MAP1B: variants seen among roughly 807,000 people sequenced by gnomAD.
The protein encoded by MAP1B is microtubule associated protein 1B.
In MAP1B, 12 loss-of-function variants were observed where a neutral mutation model predicts 176.1. The ratio of observed to expected loss-of-function variants is 0.07; its 90% CI spans 0.04 to 0.11. The LOEUF (loss-of-function observed/expected upper bound fraction) is 0.11, where lower values mean the gene tolerates loss of function less well. Ranked by LOEUF, MAP1B falls within the 10% of genes least tolerant of loss-of-function variation. MAP1B has a pLI of 1.00. For synonymous variants in MAP1B, 1,044 were observed against 1,135.0 expected (o/e 0.92, Z 1.61); for missense variants, 2,523 against 2,990.5 (o/e 0.84, Z 3.65).
chr5:72,182,703 C>T (rs1053551907), intron 2 of MAP1B, among the ~76,000 whole-genome samples: 2 of 152,212 alleles, frequency 1.3e-5, no homozygotes, highest in South Asian at 4.1e-4. Context: ...CCTCTGGTGT[C>T]TGCCTCTCTC....
chr5:72,198,513 C>G lies in MAP1B; in HGVS notation c.5158C>G (p.Leu1720Val), dbSNP rs761432973. 1 of 1,613,924 alleles carries G rather than the reference C, an allele frequency of 6.2e-7. No individual in the cohort carries two copies. Among genetic ancestry groups the G allele is most frequent in the Non-Finnish European group, 8.5e-7 (1 of 1,179,980 alleles). The change falls in exon 5 of 7, where the codon CTC (leucine) becomes GTC (valine). Residue 1720 changes from leucine to valine, a missense_variant. This residue lies in a region of MAP1B where 1,925 missense variants were observed against 2,126.0 expected (regional missense o/e 0.91). Transcript: ENST00000296755. Reference protein sequence around the residue: ...SYTQDNDLSELISVSQVEASP... With the variant: ...SYTQDNDLSEVISVSQVEASP... The stretch of plus-strand genomic sequence containing the variant: ...CACCCAAGATAATGATCTTTCTGAG[C>G]TCATCTCAGTATCTCAGGTAGAGGC...
In MAP1B at chr5:72,198,872, T is replaced by C. The variant is rs142515863; in HGVS notation, c.5517T>C (p.Asp1839=). ...PYGFRASVLF[D]TMQHHLALNR... ...GCTTCCGTGCCTCAGTGTTATTCGA[T>C]ACAATGCAACACCATCTAGCCTTGA... The change falls in exon 5 of 7, where the codon GAT becomes GAC. Residue 1839 remains aspartate (D), a synonymous_variant. Transcript: ENST00000296755. 6.2e-7 allele frequency: 1 copy of C among 1,614,204 alleles called. No individual in the cohort carries two copies. Among genetic ancestry groups the C allele is most frequent in the Non-Finnish European group, 8.5e-7 (1 of 1,180,036 alleles).
At chr5:72,153,114 C>T (rs1462380197) in intron 2 of MAP1B, among the ~76,000 whole-genome samples, 1 of 152,218 alleles carries the variant, frequency 6.6e-6, no homozygotes, top group Non-Finnish European at 1.5e-5. Context: ...CAAGTATTTG[C>T]CGAGCCACCT....
intron 2 of MAP1B, among the ~76,000 whole-genome samples, chr5:72,164,472 C>T (rs1288179916): frequency 1.3e-5 from 2 of 152,148 alleles, no homozygotes; most frequent in African/African-American, 4.8e-5. Context: ...TGGCTATTCT[C>T]TGGGTCTCTT....
intron 2 of MAP1B, among the ~76,000 whole-genome samples, chr5:72,130,139 G>T (rs1409696707): frequency 1.5e-4 from 23 of 148,694 alleles, no homozygotes; most frequent in Admixed American, 1.5e-3. Flanking sequence ...TAATTAAAAA[G>T]AAATTTTAAA....
At chr5:72,159,728 T>G (rs1203752810) in intron 2 of MAP1B, among the ~76,000 whole-genome samples, 1 of 152,236 alleles carries the variant, frequency 6.6e-6, no homozygotes, top group Non-Finnish European at 1.5e-5. Flanking sequence ...AAGAAACATT[T>G]GTGAAAATTC....
In MAP1B at chr5:72,199,809, G is replaced by A; in HGVS notation, c.6454G>A (p.Glu2152Lys). 1.2e-6 allele frequency: 2 copies of A among 1,614,128 alleles called. No homozygotes were observed. The highest frequency in any genetic ancestry group is 2.2e-5 in the South Asian group (2 of 91,060). ...CDETPPTSVS[E>K]SAPSQTDSDV... ...TGAAACCCCTCCCACCTCAGTCAGC[G>A]AGTCAGCCCCATCCCAGACCGACTC... The change falls in exon 5 of 7, where the codon GAG becomes AAG. Residue 2152 changes from glutamate to lysine, a missense_variant. Physicochemically the swap from Glu to Lys is moderately conservative, Grantham distance 56. Transcript: ENST00000296755. The surrounding 1 kb of genome is among the most constrained non-coding windows in gnomAD (Gnocchi z 4.2).
chr5:72,168,763 G>C (rs1241976086), intron 2 of MAP1B, among the ~76,000 whole-genome samples: 1 of 152,178 alleles, frequency 6.6e-6, no homozygotes, highest in Non-Finnish European at 1.5e-5. Context: ...TTTGTCATGG[G>C]TTTCAGACCT....
At chr5:72,157,887 T>C (rs571267502) in intron 2 of MAP1B, among the ~76,000 whole-genome samples, 1 of 152,300 alleles carries the variant, frequency 6.6e-6, no homozygotes, top group East Asian at 1.9e-4. Flanking sequence ...TCACCCAGGC[T>C]GGAATGCAAT....
At chr5:72,120,690 C>T (rs1392257639) in intron 2 of MAP1B, among the ~76,000 whole-genome samples, 1 of 151,974 alleles carries the variant, frequency 6.6e-6, no homozygotes, top group Non-Finnish European at 1.5e-5. Flanking sequence ...CCTCCCAAAG[C>T]ACTGGGATTA....
At chr5:72,202,638 C>G (rs770088013) in intron 5 of MAP1B, among the ~76,000 whole-genome samples, 1 of 152,120 alleles carries the variant, frequency 6.6e-6, no homozygotes, top group African/African-American at 2.4e-5. Context: ...GTTCCAGGCC[C>G]CAACCCAAGC....
chr5:72,159,392 A>G (rs1746288432), intron 2 of MAP1B, among the ~76,000 whole-genome samples: 1 of 151,856 alleles, frequency 6.6e-6, no homozygotes, highest in Admixed American at 6.6e-5. Flanking sequence ...ATTTCTCTGA[A>G]GAGAGCAAAA....
At chr5:72,153,134 T>C (rs1184402870) in intron 2 of MAP1B, among the ~76,000 whole-genome samples, 1 of 152,228 alleles carries the variant, frequency 6.6e-6, no homozygotes, top group Non-Finnish European at 1.5e-5. Flanking sequence ...TCGTGTTTGC[T>C]TCAGATCTGT....
intron 2 of MAP1B, among the ~76,000 whole-genome samples, chr5:72,174,518 T>A (rs897293692): frequency 6.6e-6 from 1 of 152,318 alleles, no homozygotes. Context: ...CTCCTTCAGG[T>A]CCTCCCATTC....
At chr5:72,193,262 C>CT in intron 4 of MAP1B, 2 of 394,910 alleles carry the variant, frequency 5.1e-6, no homozygotes, top group Admixed American at 3.4e-5. Flanking sequence ...AAGGTTTTTT[C>CT]TTTTTTACAT....
At chr5:72,187,251 G>A (rs917440640) in intron 4 of MAP1B, among the ~76,000 whole-genome samples, 2 of 152,168 alleles carry the variant, frequency 1.3e-5, no homozygotes, top group Non-Finnish European at 1.5e-5. Flanking sequence ...AGGAAAATGG[G>A]GCACGTCTGT....
At chr5:72,164,026 A>T (rs1464843368) in intron 2 of MAP1B, among the ~76,000 whole-genome samples, 1 of 136,950 alleles carries the variant, frequency 7.3e-6, no homozygotes, top group Non-Finnish European at 1.5e-5. Context: ...CTTGACCTCC[A>T]GGCTCAAGTG....
intron 2 of MAP1B, among the ~76,000 whole-genome samples, chr5:72,174,621 C>T (rs77423448): frequency 0.012 from 1,894 of 152,226 alleles, 39 homozygotes; most frequent in African/African-American, 0.043. Context: ...GCTGCTGGAC[C>T]CCTTACATTT....
At position 72,155,599 on chromosome 5, in the gene MAP1B, C is replaced by T. The variant is rs115844400; in HGVS notation, c.287-28144C>T. On this transcript the variant is annotated intron_variant, in intron 2 of 6. Transcript: ENST00000296755. ...GAGCCTGTCTACACCATGTTCCCAG[C>T]ATCAGTGGAGTCAGGAGAGTGGTGA... Among the ~76,000 whole-genome samples the T allele has an allele frequency of 7.5e-3, 1,146 of 152,224 alleles. 14 individuals carry two copies. The highest frequency in any genetic ancestry group is 0.026 in the African/African-American group (1,082 of 41,536).
Sources: allele counts gnomAD v4.1 joint callset (sites outside exome capture counted in the v4.1 genomes callset), GRCh38; gene constraint gnomAD v4.1.1; regional missense constraint gnomAD v4.1.1; non-coding constraint Gnocchi (gnomAD v3.1); transcripts MANE v1.5; gene names NCBI Gene and HGNC (gene_info 2026-07-23, HGNC 2026-07-21).